MCPH1: variants seen among roughly 807,000 people sequenced by gnomAD.
The protein encoded by MCPH1 is microcephalin 1, also known as microcephalin.
MCPH1 carries 104 observed loss-of-function variants against 84.5 expected under a neutral mutation model. The ratio of observed to expected loss-of-function variants is 1.23; its 90% CI spans 1.05 to 1.45. The LOEUF is 1.45. MCPH1 is among the 40% of genes most tolerant of loss of function. The probability of loss-of-function intolerance (pLI) is 0.00; values close to 1 mark genes in which losing one functional copy is unlikely to be tolerated. For missense variants in MCPH1, 1,498 were observed against 1,005.7 expected (o/e 1.49, Z -6.62); for synonymous variants, 514 against 366.8 (o/e 1.40, Z -4.58).
At chr8:6,459,807 G>A (rs1193556838) in intron 9 of MCPH1, among the ~76,000 whole-genome samples, 2 of 152,196 alleles carry the variant, frequency 1.3e-5, no homozygotes, top group Non-Finnish European at 2.9e-5. Context: ...ACTGTCAGTC[G>A]ATGAGAGCTG....
At chr8:6,516,371 C>A (rs1017818731) in intron 12 of MCPH1, among the ~76,000 whole-genome samples, 5 of 152,188 alleles carry the variant, frequency 3.3e-5, no homozygotes, top group African/African-American at 4.8e-5. Context: ...TAGCAAAGTT[C>A]GATTTTGATC....
At position 6,493,209 on chromosome 8, in the gene MCPH1, T is replaced by G. The variant is rs151138478; in HGVS notation, c.2137-6643T>G. Among the ~76,000 whole-genome samples the G allele has an allele frequency of 2.7e-3, 412 of 152,346 alleles. 2 individuals are homozygous for G. The highest frequency in any genetic ancestry group is 9.3e-3 in the African/African-American group (386 of 41,580). On this transcript the variant is annotated intron_variant, in intron 11 of 13. Coordinates refer to ENST00000344683, the MANE Select transcript of MCPH1 (RefSeq NM_024596.5). ...GTGGTGACATGCTGGGTTTTCCTGG[T>G]CATTGCTTAGCTGTATTTATAAAGT...
chr8:6,425,773 A>C (rs958037235), intron 3 of MCPH1, among the ~76,000 whole-genome samples: 1 of 152,222 alleles, frequency 6.6e-6, no homozygotes, highest in Admixed American at 6.5e-5. Context: ...TGTGTTGTGC[A>C]ATAGGAGGCA....
intron 3 of MCPH1, among the ~76,000 whole-genome samples, chr8:6,423,474 T>C (rs778318211): frequency 1.2e-4 from 18 of 152,178 alleles, no homozygotes; most frequent in Admixed American, 2.6e-4. Flanking sequence ...CCATACACTT[T>C]AGTCAACTTT....
intron 12 of MCPH1, among the ~76,000 whole-genome samples, chr8:6,583,852 G>GTT (rs754820695): frequency 0.27 from 34,247 of 129,140 alleles, 5,168 homozygotes; most frequent in Non-Finnish European, 0.33. Flanking sequence ...TTCATTTCTT[G>GTT]TTTTGTTTTT....
Position 6,516,708 on chromosome 8 carries a change from G to T in MCPH1, c.2214+16779G>T, listed in dbSNP as rs185387289. Among the ~76,000 whole-genome samples, 640 of 152,280 alleles carry T rather than the reference G, an allele frequency of 4.2e-3. 8 individuals are homozygous for T. The highest frequency in any genetic ancestry group is 0.015 in the African/African-American group (624 of 41,556). ...TTGAAGTTAATTCTGTATCCTAAAT[G>T]GTATGCTCTTGGGTTGAAAGCATTG... On this transcript the variant is annotated intron_variant, in intron 12 of 13. Transcript: ENST00000344683.
At chr8:6,609,828 C>CCCCCCCCCA (rs1475345162) in intron 12 of MCPH1, among the ~76,000 whole-genome samples, 49 of 108,682 alleles carry the variant, frequency 4.5e-4, no homozygotes, top group South Asian at 2.5e-3. Flanking sequence ...CGCCCCCCCC[C>CCCCCCCCCA]CACACACAGA....
intron 12 of MCPH1, among the ~76,000 whole-genome samples, chr8:6,524,015 C>A (rs1198730013): frequency 6.6e-6 from 1 of 151,886 alleles, no homozygotes. Context: ...GTTTCAATAT[C>A]TTCATTTTGT....
At chr8:6,417,982 A>G (rs1182558549) in intron 3 of MCPH1, among the ~76,000 whole-genome samples, 2 of 152,210 alleles carry the variant, frequency 1.3e-5, no homozygotes, top group African/African-American at 2.4e-5. Context: ...TGAAACGCAC[A>G]CTGTCATTAT....
intron 12 of MCPH1, among the ~76,000 whole-genome samples, chr8:6,607,519 G>T (rs1284050200): frequency 6.6e-6 from 1 of 152,176 alleles, no homozygotes; most frequent in Non-Finnish European, 1.5e-5. Flanking sequence ...CAATGGGTGA[G>T]GAAAGAAATC....
At chr8:6,430,776 A>G (rs1233204533) in intron 3 of MCPH1, among the ~76,000 whole-genome samples, 1 of 152,216 alleles carries the variant, frequency 6.6e-6, no homozygotes, top group Non-Finnish European at 1.5e-5. Flanking sequence ...GAAGGTTTTT[A>G]TCTAGGTTGG....
At chr8:6,500,990 TTGTC>T (rs1812065754) in intron 12 of MCPH1, 4 of 152,248 alleles carry the variant, frequency 2.6e-5, no homozygotes. Context: ...AAACTTGTTG[TTGTC>T]TTTCGAGGCT....
At chr8:6,582,520 T>A (rs770899220) in intron 12 of MCPH1, among the ~76,000 whole-genome samples, 24 of 152,244 alleles carry the variant, frequency 1.6e-4, no homozygotes, top group Non-Finnish European at 2.6e-4. Flanking sequence ...GTTCTCTTCA[T>A]TGATCCTTAC....
intron 12 of MCPH1, chr8:6,521,066 G>T: frequency 1.4e-6 from 1 of 713,112 alleles, no homozygotes; most frequent in South Asian, 2.0e-5. Context: ...TATTTCATAT[G>T]AAATATATGA....
In MCPH1 at chr8:6,435,868, T is replaced by G. The variant is rs1410064994; in HGVS notation, c.322-180T>G. Among the ~76,000 whole-genome samples the G allele has an allele frequency of 2.0e-5, 3 of 152,230 alleles. No homozygotes were observed. The East Asian group carries it at 5.8e-4, about 29-fold the overall frequency. On this transcript the variant is annotated intron_variant, in intron 4 of 13. Transcript: ENST00000344683. ...TACAGTCTTTTAAATTCTGTCCATT[T>G]TCTTTATAACTGCACAAAAAAATAA...
rs751132920 is a variant in MCPH1, at chr8:6,431,493, A to T, written c.234-6A>T. 5 of 1,609,534 alleles carry T rather than the reference A, an allele frequency of 3.1e-6. No homozygotes were observed. In the Admixed American group the frequency reaches 6.7e-5, roughly 21 times the overall value. ...CTCATTAGACTACCTTAATTTAATT[A>T]TACAGATGCAGGACAGCTGGAGCAC... On this transcript the variant is annotated splice_region_variant and splice_polypyrimidine_tract_variant and intron_variant, in intron 3 of 13. Transcript: ENST00000344683.
chr8:6,468,838 C>T (rs189974956), intron 9 of MCPH1, among the ~76,000 whole-genome samples: 1 of 152,008 alleles, frequency 6.6e-6, no homozygotes, highest in East Asian at 1.9e-4. Flanking sequence ...AAAAAACAGT[C>T]CACATAAGGG....
chr8:6,592,737 C>T (rs766432011), intron 12 of MCPH1, among the ~76,000 whole-genome samples: 8 of 150,626 alleles, frequency 5.3e-5, no homozygotes, highest in Non-Finnish European at 1.0e-4. Context: ...TCACTGCAAC[C>T]TCTGCCTCCC....
chr8:6,575,444 A>G (rs1586683179), intron 12 of MCPH1, among the ~76,000 whole-genome samples: 3 of 152,186 alleles, frequency 2.0e-5, no homozygotes, highest in Admixed American at 2.0e-4. Context: ...TAGAAGAGAT[A>G]ATGATAAAGA....
Sources: allele counts gnomAD v4.1 joint callset (sites outside exome capture counted in the v4.1 genomes callset), GRCh38; gene constraint gnomAD v4.1.1; transcripts MANE v1.5; gene names NCBI Gene and HGNC (gene_info 2026-07-23, HGNC 2026-07-21).